The following PPM1D variants were observed in gnomAD, a reference collection of about 807,000 sequenced individuals.
PPM1D encodes the protein protein phosphatase 1D.
A neutral mutation model predicts 58.3 loss-of-function variants in PPM1D; 52 were observed. That is an observed-to-expected ratio of 0.89 (90% confidence interval 0.71 to 1.12). The LOEUF (loss-of-function observed/expected upper bound fraction) is 1.12, where lower values mean the gene tolerates loss of function less well. Ranked by LOEUF, PPM1D falls within the 50% of genes most tolerant of loss-of-function variation. The pLI is 0.00. For synonymous variants in PPM1D, 278 were observed against 285.1 expected (o/e 0.98, Z 0.25); for missense variants, 564 against 777.2 (o/e 0.73, Z 3.26).
At chr17:60,631,900 C>T (rs543022113) in intron 2 of PPM1D, among the ~76,000 whole-genome samples, 12 of 152,090 alleles carry the variant, frequency 7.9e-5, no homozygotes, top group Admixed American at 3.9e-4. Context: ...TATTTCAGGC[C>T]GGGCGCGGTG....
intron 1 of PPM1D, among the ~76,000 whole-genome samples, chr17:60,603,658 A>G (rs1341425344): frequency 1.3e-5 from 2 of 152,130 alleles, no homozygotes; most frequent in Non-Finnish European, 2.9e-5. Flanking sequence ...AGTTACTCAG[A>G]AGGCTTAGGC....
At chr17:60,628,897 A>G (rs532131131) in intron 2 of PPM1D, among the ~76,000 whole-genome samples, 1 of 152,276 alleles carries the variant, frequency 6.6e-6, no homozygotes, top group East Asian at 1.9e-4. Flanking sequence ...ATCATCTTTT[A>G]TATTTTAATC....
At chr17:60,636,014 T>C (rs2037064718) in intron 3 of PPM1D, among the ~76,000 whole-genome samples, 1 of 152,190 alleles carries the variant, frequency 6.6e-6, no homozygotes, top group African/African-American at 2.4e-5. Flanking sequence ...GGTTGGAGCA[T>C]CTACTTGTAA....
Position 60,656,798 on chromosome 17 carries a change from C to T in PPM1D, c.1217C>T (p.Thr406Ile), listed in dbSNP as rs776154258. ...AGCCCTTCCTATAATAGTCAAGAAA[C>T]CTGTGTGATGACTCCTTCCCCATGT... Reference protein sequence around the residue: ...TDSPSYNSQETCVMTPSPCST... With the variant: ...TDSPSYNSQEICVMTPSPCST... The change falls in exon 5 of 6, where the codon ACC becomes ATC. Residue 406 changes from threonine (T) to isoleucine (I), a missense_variant. Thr to Ile is a moderately conservative substitution (Grantham distance 89). Around this residue, in one of 7 missense-constraint regions of PPM1D, gnomAD observed 261 missense variants for 270.1 expected, o/e 0.97. Coordinates refer to ENST00000305921, the MANE Select transcript of PPM1D (RefSeq NM_003620.4). The T allele has an allele frequency of 1.2e-6, 2 of 1,613,854 alleles. No individual in the cohort carries two copies. Among genetic ancestry groups the T allele is most frequent in the African/African-American group, 1.3e-5 (1 of 74,852 alleles).
At chr17:60,636,496 C>T (rs976630745) in intron 3 of PPM1D, among the ~76,000 whole-genome samples, 6 of 151,866 alleles carry the variant, frequency 4.0e-5, no homozygotes, top group African/African-American at 1.5e-4. Context: ...GAAATGCTAC[C>T]AAGAAAAATA....
chr17:60,624,883 TAATCC>T (rs750784651), intron 2 of PPM1D, among the ~76,000 whole-genome samples: 39 of 152,298 alleles, frequency 2.6e-4, no homozygotes, highest in Admixed American at 1.5e-3. Context: ...CTCACGTCTG[TAATCC>T]TAGCACTTTG....
chr17:60,638,933 T>G (rs762072391), intron 3 of PPM1D, among the ~76,000 whole-genome samples: 2 of 152,134 alleles, frequency 1.3e-5, no homozygotes, highest in Non-Finnish European at 2.9e-5. Flanking sequence ...CTCTAGTGGC[T>G]GCCTGCTGGA....
rs565164761 is a variant in PPM1D, at chr17:60,639,377, G to T, written c.826+5400G>T. On this transcript the variant is annotated intron_variant, in intron 3 of 5. Coordinates refer to ENST00000305921, the MANE Select transcript of PPM1D (RefSeq NM_003620.4). ...TCTACCCGCCTCAGCCACCTAAAGTGCTGGGATTACAGATGAGAGCCACAG... is the reference window on the plus strand; with the variant it reads ...TCTACCCGCCTCAGCCACCTAAAGTTCTGGGATTACAGATGAGAGCCACAG... Among the ~76,000 whole-genome samples, 12 of 152,088 alleles carry T rather than the reference G, an allele frequency of 7.9e-5. No individual in the cohort carries two copies. In the South Asian group the frequency reaches 1.7e-3, roughly 21 times the overall value.
chr17:60,632,852 A>T (rs941588017), intron 2 of PPM1D, among the ~76,000 whole-genome samples: 30 of 151,996 alleles, frequency 2.0e-4, no homozygotes, highest in African/African-American at 6.5e-4. Context: ...CTGTAGTTCC[A>T]GCTACTTGGG....
intron 1 of PPM1D, among the ~76,000 whole-genome samples, chr17:60,614,078 A>G (rs2030528064): frequency 6.6e-6 from 1 of 151,112 alleles, no homozygotes; most frequent in Non-Finnish European, 1.5e-5. Context: ...TGCGGGATCC[A>G]CTGCAAAGCC....
rs1186607740 is a variant in PPM1D at position 60,643,883 on chromosome 17, C to CTTTTCT, written c.827-4005_827-4004insCTTTTT. ...TTGTGCAATAGAACTCTTTTCTTTT[C>CTTTTCT]TTTTTTTTTTTTTTTTTTTTTGAGA... On this transcript the variant is annotated intron_variant, in intron 3 of 5. Coordinates refer to ENST00000305921, the MANE Select transcript of PPM1D (RefSeq NM_003620.4). Among the ~76,000 whole-genome samples the CTTTTCT allele has an allele frequency of 5.1e-5, 5 of 97,748 alleles. No homozygotes were observed. In the East Asian group the frequency reaches 1.6e-3, roughly 30 times the overall value. The allele number at this position is 97,748 out of a possible 152,430, so 64.1% of individuals were successfully genotyped here. A position where few individuals can be genotyped will look rare whatever the true frequency, so the allele number is the denominator to read the frequency against.
chr17:60,616,325 A>C (rs1208773197), intron 1 of PPM1D, among the ~76,000 whole-genome samples: 1 of 151,904 alleles, frequency 6.6e-6, no homozygotes, highest in Non-Finnish European at 1.5e-5. Context: ...AGAAAAGAAA[A>C]AGGCCAGGTT....
chr17:60,657,165 TAGAGC>T, intron 5 of PPM1D: 5 of 1,027,946 alleles, frequency 4.9e-6, no homozygotes, highest in Non-Finnish European at 6.2e-6. Context: ...AGCCCAGAAG[TAGAGC>T]TAATGTTATT....
chr17:60,663,479 G>A lies in PPM1D; in HGVS notation c.1745G>A (p.Arg582His), dbSNP rs149137187. 42 of 1,613,714 alleles carry A rather than the reference G, an allele frequency of 2.6e-5. No individual in the cohort carries two copies. Among genetic ancestry groups the A allele is most frequent in the Middle Eastern group, 1.6e-4 (1 of 6,084 alleles). Residue 582 changes from arginine to histidine, a missense_variant, in exon 6 of 6, where the codon CGC (arginine) becomes CAC (histidine). Around this residue, in one of 7 missense-constraint regions of PPM1D, gnomAD observed 261 missense variants for 270.1 expected, o/e 0.97. Transcript: ENST00000305921. ...AACTCTGTTAAACTCACCATGCGAC[G>A]CAGACTTAGGGGCCAGAAGAAAATT... is the stretch of plus-strand genomic sequence containing the variant. ...RKNSVKLTMR[R>H]RLRGQKKIGN...
intron 3 of PPM1D, among the ~76,000 whole-genome samples, chr17:60,647,217 T>G (rs2143701420): frequency 6.6e-6 from 1 of 152,354 alleles, no homozygotes; most frequent in East Asian, 1.9e-4. Flanking sequence ...TCTATGAATC[T>G]GATTGGTTAC....
At position 60,601,038 on chromosome 17, in the gene PPM1D, T is replaced by TGGA. The variant is rs992585039; in HGVS notation, c.472+155_472+157dup. ...AAAGCTGTAATAGCGCTTTGCTGGG[T>TGGA]GGAGGTCCGGGCAAACCAAGCGGCC... On this transcript the variant is annotated intron_variant, in intron 1 of 5. Coordinates refer to ENST00000305921, the MANE Select transcript of PPM1D (RefSeq NM_003620.4). The TGGA allele has an allele frequency of 5.8e-6, 7 of 1,214,162 alleles. No homozygotes were observed. In the African/African-American group the frequency reaches 9.4e-5, roughly 16 times the overall value. The allele number at this position is 1,214,162 out of a possible 1,614,324, so 75.2% of individuals were successfully genotyped here.
chr17:60,605,478 A>G (rs1302623945), intron 1 of PPM1D, among the ~76,000 whole-genome samples: 1 of 152,232 alleles, frequency 6.6e-6, no homozygotes, highest in Admixed American at 6.5e-5. Context: ...TACCTTGCCC[A>G]AAGTAGCTGC....
In PPM1D at chr17:60,600,504, G is replaced by C. The variant is rs16944543; in HGVS notation, c.90G>C (p.Glu30Asp). 6.4e-7 allele frequency: 1 copy of C among 1,570,176 alleles called. No individual in the cohort carries two copies. The highest frequency in any genetic ancestry group is 8.6e-7 in the Non-Finnish European group (1 of 1,158,044). ...AGGACGTTACTCAAATCGTTGTGGA[G>C]CCCGAACCGACGGCTGAAGAAAAGC... is the stretch of plus-strand genomic sequence containing the variant. ...YMEDVTQIVV[E>D]PEPTAEEKPS... The change falls in exon 1 of 6, where the codon GAG (glutamate) becomes GAC (aspartate). Residue 30 changes from glutamate (E) to aspartate (D), a missense_variant. By Grantham distance (45) the Glu-to-Asp change is conservative. Transcript: ENST00000305921.
chr17:60,664,526 T>C lies in PPM1D; in HGVS notation c.*974T>C, dbSNP rs997431463. On this transcript the variant is annotated 3_prime_UTR_variant, in exon 6 of 6. Transcript: ENST00000305921. ...GGTTTATTTTAATGGTATGTACAAGTTGAGTATCCCTTATCCAAAATGCTT... is the reference window on the plus strand; with the variant it reads ...GGTTTATTTTAATGGTATGTACAAGCTGAGTATCCCTTATCCAAAATGCTT... 6.6e-6 allele frequency: 1 copy of C among 152,552 alleles called. No homozygotes were observed. The highest frequency in any genetic ancestry group is 2.4e-5 in the African/African-American group (1 of 41,444). The allele number at this position is 152,552 out of a possible 1,614,324, so 9.4% of individuals were successfully genotyped here. A position where few individuals can be genotyped will look rare whatever the true frequency, so the allele number is the denominator to read the frequency against.
Sources: gnomAD v4.1 joint callset for allele counts (sites outside exome capture counted in the v4.1 genomes callset) on GRCh38, gnomAD v4.1.1 for gene constraint, gnomAD v4.1.1 regional missense constraint, MANE v1.5 for transcripts, NCBI Gene and HGNC (gene_info 2026-07-23, HGNC 2026-07-21) for gene names.